Variants in KALRN observed in about 807,000 individuals in gnomAD.
KALRN encodes the protein kalirin RhoGEF kinase.
A neutral mutation model predicts 353.7 loss-of-function variants in KALRN; 70 were observed. The ratio of observed to expected loss-of-function variants is 0.20; its 90% CI spans 0.16 to 0.24. The LOEUF (loss-of-function observed/expected upper bound fraction) is 0.24, where lower values mean the gene tolerates loss of function less well. Among genes scored for constraint, KALRN ranks in the 10% least tolerant of loss-of-function variants. KALRN has a pLI of 1.00. For missense variants in KALRN, 2,791 were observed against 3,756.7 expected, an observed-to-expected ratio of 0.74 and a Z score of 6.72; for synonymous variants, 1,391 against 1,434.8, an observed-to-expected ratio of 0.97 and a Z score of 0.69.
At chr3:124,212,543 A>G (rs941367131) in intron 1 of KALRN, among the ~76,000 whole-genome samples, 6 of 152,102 alleles carry the variant, frequency 3.9e-5, no homozygotes, top group Admixed American at 1.3e-4. Flanking sequence ...GGATATTTGC[A>G]ATTTGGGGCC....
chr3:124,055,196 G>C (rs1340183673), intron 1 of KALRN, among the ~76,000 whole-genome samples: 1 of 152,190 alleles, frequency 6.6e-6, no homozygotes, highest in Non-Finnish European at 1.5e-5. Context: ...TTTTAGCAGA[G>C]GGCATGCATA....
intron 34 of KALRN, among the ~76,000 whole-genome samples, chr3:124,618,870 G>A (rs2078955436): frequency 1.3e-5 from 2 of 152,188 alleles, no homozygotes; most frequent in African/African-American, 4.8e-5. Flanking sequence ...GTAGGCGAGT[G>A]CAGATTTCAG....
At chr3:124,249,337 A>G (rs1458395507) in intron 3 of KALRN, among the ~76,000 whole-genome samples, 1 of 152,232 alleles carries the variant, frequency 6.6e-6, no homozygotes, top group Non-Finnish European at 1.5e-5. Context: ...CCACACAAGC[A>G]TGTCAGTTAA....
chr3:124,050,611 G>A (rs2040933704), intron 1 of KALRN, among the ~76,000 whole-genome samples: 2 of 152,152 alleles, frequency 1.3e-5, no homozygotes, highest in Admixed American at 6.5e-5. Flanking sequence ...AGTATATATA[G>A]TGGAGCCTGA....
chr3:124,294,008 C>A (rs2076632122), intron 5 of KALRN, among the ~76,000 whole-genome samples: 2 of 151,968 alleles, frequency 1.3e-5, no homozygotes, highest in South Asian at 4.2e-4. Flanking sequence ...AGACACCTGG[C>A]ACTCCATCTT....
intron 1 of KALRN, among the ~76,000 whole-genome samples, chr3:124,042,526 G>A (rs1347840827): frequency 6.6e-6 from 1 of 151,926 alleles, no homozygotes; most frequent in Non-Finnish European, 1.5e-5. Context: ...TGGAGAGGAG[G>A]GGATGGATAT....
intron 21 of KALRN, among the ~76,000 whole-genome samples, chr3:124,447,399 G>A (rs745841985): frequency 3.4e-4 from 52 of 152,154 alleles, no homozygotes; most frequent in Non-Finnish European, 6.2e-4. Context: ...GGTCTCTGGG[G>A]AGCAAAATGT....
intron 10 of KALRN, among the ~76,000 whole-genome samples, chr3:124,379,860 G>A (rs1403042306): frequency 6.6e-6 from 1 of 152,186 alleles, no homozygotes; most frequent in Non-Finnish European, 1.5e-5. Context: ...AAGGTTTTGG[G>A]TGTTATCTTG....
At chr3:124,597,825 T>C (rs190310028) in intron 34 of KALRN, among the ~76,000 whole-genome samples, 16 of 152,356 alleles carry the variant, frequency 1.1e-4, no homozygotes, top group Non-Finnish European at 1.8e-4. Flanking sequence ...TTAAATGTAA[T>C]GCAATAAAAC....
At chr3:124,598,819 G>A (rs2076516853) in intron 34 of KALRN, among the ~76,000 whole-genome samples, 1 of 152,158 alleles carries the variant, frequency 6.6e-6, no homozygotes, top group Non-Finnish European at 1.5e-5. Flanking sequence ...TGGGACCACA[G>A]TAGCACGCCA....
chr3:124,648,499 G>T (rs1236132245), intron 37 of KALRN, among the ~76,000 whole-genome samples: 2 of 152,222 alleles, frequency 1.3e-5, no homozygotes, highest in Non-Finnish European at 2.9e-5. Context: ...CCTGGGAAGG[G>T]GTAGGAGCAC....
intron 2 of KALRN, among the ~76,000 whole-genome samples, chr3:124,231,359 CA>C (rs1334913412): frequency 1.3e-5 from 2 of 152,214 alleles, no homozygotes; most frequent in Non-Finnish European, 2.9e-5. Flanking sequence ...ATGTGGGGTC[CA>C]TTTCATCCTA....
chr3:124,678,924 C>T (rs898117042), intron 50 of KALRN, among the ~76,000 whole-genome samples: 3 of 152,196 alleles, frequency 2.0e-5, no homozygotes, highest in Admixed American at 2.0e-4. Context: ...TATTTACCCC[C>T]ATCTTGAAAC....
At chr3:124,496,448 C>T (rs765524581) in intron 33 of KALRN, 35 bp downstream of exon 33, 4 of 1,495,604 alleles carry the variant, frequency 2.7e-6, no homozygotes, top group Non-Finnish European at 3.7e-6. Flanking sequence ...TCCCCTGAGA[C>T]TTCTTGATGG....
intron 34 of KALRN, among the ~76,000 whole-genome samples, chr3:124,605,571 T>TA (rs61234632): frequency 3.9e-4 from 54 of 138,542 alleles, no homozygotes; most frequent in Admixed American, 1.3e-3. Context: ...GGACTCCATC[T>TA]AAAAAAAAAA....
At chr3:124,467,738 G>A (rs539478887) in intron 25 of KALRN, among the ~76,000 whole-genome samples, 11 of 152,286 alleles carry the variant, frequency 7.2e-5, no homozygotes, top group South Asian at 2.1e-4. Flanking sequence ...TCTGTAAGAC[G>A]AGGAAAAGAA....
At chr3:124,291,906 C>T (rs144821687) in intron 5 of KALRN, among the ~76,000 whole-genome samples, 49 of 152,290 alleles carry the variant, frequency 3.2e-4, no homozygotes, top group African/African-American at 1.1e-3. Context: ...TTTATTACAC[C>T]TACAGCCTCT....
chr3:124,215,582 A>G (rs767255713), intron 1 of KALRN, among the ~76,000 whole-genome samples: 2 of 152,162 alleles, frequency 1.3e-5, no homozygotes, highest in Non-Finnish European at 2.9e-5. Flanking sequence ...TTCCTCCCTT[A>G]ATCATTACAA....
intron 1 of KALRN, among the ~76,000 whole-genome samples, chr3:124,093,189 G>A (rs1388493323): frequency 6.6e-6 from 1 of 152,158 alleles, no homozygotes; most frequent in Non-Finnish European, 1.5e-5. Context: ...TCCCCAGTCT[G>A]AGTTCTTCAG....
Sources: allele counts gnomAD v4.1 joint callset (sites outside exome capture counted in the v4.1 genomes callset), GRCh38; gene constraint gnomAD v4.1.1; transcripts MANE v1.5; gene names NCBI Gene and HGNC (gene_info 2026-07-23, HGNC 2026-07-21).